Variants in FSHR observed in about 807,000 individuals in gnomAD.
The protein encoded by FSHR is follicle stimulating hormone receptor.
A neutral mutation model predicts 52.1 loss-of-function variants in FSHR; 46 were observed. The ratio of observed to expected loss-of-function variants is 0.88; its 90% CI spans 0.70 to 1.13. FSHR has a LOEUF of 1.13. Among genes scored for constraint, FSHR ranks in the 50% most tolerant of loss-of-function variants. FSHR has a pLI of 0.00. For synonymous variants in FSHR, 399 were observed against 309.6 expected, an observed-to-expected ratio of 1.29 and a Z score of -3.03; for missense variants, 964 against 834.6, an observed-to-expected ratio of 1.16 and a Z score of -1.91.
At chr2:49,007,674 A>C (rs1303103016) in intron 4 of FSHR, among the ~76,000 whole-genome samples, 3 of 152,096 alleles carry the variant, frequency 2.0e-5, no homozygotes, top group East Asian at 3.9e-4. Flanking sequence ...AGATGTCCTA[A>C]AGAAGCAGTT....
chr2:49,005,756 C>T (rs1559126293), intron 4 of FSHR, among the ~76,000 whole-genome samples: 1 of 152,094 alleles, frequency 6.6e-6, no homozygotes, highest in African/African-American at 2.4e-5. Flanking sequence ...TAAGCACCAC[C>T]ATTACTGTAT....
chr2:49,121,045 C>T (rs535243954), intron 1 of FSHR, among the ~76,000 whole-genome samples: 1 of 152,284 alleles, frequency 6.6e-6, no homozygotes, highest in South Asian at 2.1e-4. Context: ...AAATTATTCA[C>T]CTAACATGGT....
Position 48,962,697 on chromosome 2 carries a change from A to G in FSHR, c.*36T>C. 6.3e-7 allele frequency: 1 copy of G among 1,598,868 alleles called. No individual in the cohort carries two copies. Among genetic ancestry groups the G allele is most frequent in the South Asian group, 1.1e-5 (1 of 90,728 alleles). The stretch of plus-strand genomic sequence containing the variant: ...TACCCTTCAAAGGCAAGACTGAATT[A>G]TCATTCAATACTCAGATACATTTTC... On this transcript the variant is annotated 3_prime_UTR_variant, in exon 10 of 10. Coordinates refer to ENST00000406846, the MANE Select transcript of FSHR (RefSeq NM_000145.4).
At chr2:48,964,650 A>C (rs1173527645) in intron 9 of FSHR, among the ~76,000 whole-genome samples, 1 of 152,126 alleles carries the variant, frequency 6.6e-6, no homozygotes. Context: ...TTTCCTAGTG[A>C]GTGCCCCAAA....
chr2:49,072,296 C>T (rs918122760), intron 1 of FSHR, among the ~76,000 whole-genome samples: 10 of 151,960 alleles, frequency 6.6e-5, no homozygotes, highest in South Asian at 2.1e-4. Context: ...AAGAAGACAT[C>T]GCAATTATAA....
chr2:49,006,660 A>G (rs1667086279), intron 4 of FSHR, among the ~76,000 whole-genome samples: 1 of 152,054 alleles, frequency 6.6e-6, no homozygotes, highest in South Asian at 2.1e-4. Flanking sequence ...GTCTGGCCTG[A>G]GGCACAGGGT....
chr2:49,040,218 G>T (rs947041412), intron 2 of FSHR, among the ~76,000 whole-genome samples: 2 of 152,076 alleles, frequency 1.3e-5, no homozygotes, highest in African/African-American at 4.8e-5. Flanking sequence ...TTAGAAAAAG[G>T]CCTTATAAAG....
At chr2:49,071,266 C>T (rs1353654624) in intron 1 of FSHR, among the ~76,000 whole-genome samples, 1 of 151,916 alleles carries the variant, frequency 6.6e-6, no homozygotes, top group African/African-American at 2.4e-5. Flanking sequence ...CTTCCAGAAA[C>T]CTATAAATTA....
At chr2:49,060,821 C>A (rs4420736) in intron 2 of FSHR, among the ~76,000 whole-genome samples, 2 of 151,814 alleles carry the variant, frequency 1.3e-5, no homozygotes, top group Non-Finnish European at 2.9e-5. Context: ...CACTCCCCCC[C>A]GGCCCAAACT....
intron 1 of FSHR, among the ~76,000 whole-genome samples, chr2:49,068,966 T>C (rs1194775345): frequency 6.6e-6 from 1 of 152,120 alleles, no homozygotes; most frequent in East Asian, 1.9e-4. Flanking sequence ...CTTACTGATA[T>C]AAAAGCATGC....
intron 1 of FSHR, among the ~76,000 whole-genome samples, chr2:49,091,674 A>C (rs1670616936): frequency 6.6e-6 from 1 of 152,198 alleles, no homozygotes; most frequent in Non-Finnish European, 1.5e-5. Context: ...GAATTACGTT[A>C]GATTTCTGTC....
intron 1 of FSHR, among the ~76,000 whole-genome samples, chr2:49,103,015 C>T (rs1298965658): frequency 6.6e-6 from 1 of 152,028 alleles, no homozygotes; most frequent in Non-Finnish European, 1.5e-5. Context: ...TCTAATCTTC[C>T]CCGCCTTCCC....
At chr2:48,967,227 G>C (rs1674516163) in intron 9 of FSHR, among the ~76,000 whole-genome samples, 1 of 151,954 alleles carries the variant, frequency 6.6e-6, no homozygotes, top group Non-Finnish European at 1.5e-5. Flanking sequence ...TCCCGAGTAG[G>C]TGGGACTACA....
chr2:49,009,076 G>T (rs1195936928), intron 4 of FSHR, among the ~76,000 whole-genome samples: 1 of 150,920 alleles, frequency 6.6e-6, no homozygotes, highest in Non-Finnish European at 1.5e-5. Flanking sequence ...CATTGCTTTT[G>T]GTGTTTTAGA....
At chr2:49,011,141 T>C (rs1667255015) in intron 4 of FSHR, among the ~76,000 whole-genome samples, 1 of 151,462 alleles carries the variant, frequency 6.6e-6, no homozygotes, top group Non-Finnish European at 1.5e-5. Flanking sequence ...TTTTGGATCT[T>C]TCCTGCTTTC....
intron 8 of FSHR, among the ~76,000 whole-genome samples, chr2:48,969,989 T>A (rs1573021838): frequency 6.6e-6 from 1 of 152,284 alleles, no homozygotes; most frequent in Non-Finnish European, 1.5e-5. Context: ...CAGGATGAGT[T>A]CATTTTAGCA....
At chr2:49,057,720 AAAAAG>A (rs1462565392) in intron 2 of FSHR, among the ~76,000 whole-genome samples, 1 of 152,202 alleles carries the variant, frequency 6.6e-6, no homozygotes, top group Non-Finnish European at 1.5e-5. Flanking sequence ...ACATAGCAAA[AAAAAG>A]AAAACGTAGG....
intron 6 of FSHR, among the ~76,000 whole-genome samples, chr2:48,987,303 A>G (rs561437117): frequency 6.6e-6 from 1 of 152,222 alleles, no homozygotes; most frequent in Non-Finnish European, 1.5e-5. Context: ...TCCCGGGTTC[A>G]AGCGATTCCC....
At chr2:49,046,310 C>A (rs962879316) in intron 2 of FSHR, among the ~76,000 whole-genome samples, 4 of 152,268 alleles carry the variant, frequency 2.6e-5, no homozygotes, top group Admixed American at 6.5e-5. Context: ...TTATCATTGT[C>A]CTACATCTTA....
Sources: gnomAD v4.1 joint callset for allele counts (sites outside exome capture counted in the v4.1 genomes callset) on GRCh38, gnomAD v4.1.1 for gene constraint, MANE v1.5 for transcripts, NCBI Gene and HGNC (gene_info 2026-07-23, HGNC 2026-07-21) for gene names.